TMEM273: variants seen among roughly 807,000 people sequenced by gnomAD.
TMEM273 encodes the protein chromosome 10 open reading frame 128.
In TMEM273, 19 loss-of-function variants were observed where a neutral mutation model predicts 17.9. The ratio of observed to expected loss-of-function variants is 1.06; its 90% CI spans 0.74 to 1.55. The LOEUF (loss-of-function observed/expected upper bound fraction) is 1.55, where lower values mean the gene tolerates loss of function less well. Among genes scored for constraint, TMEM273 ranks in the 40% most tolerant of loss-of-function variants. TMEM273 has a pLI of 0.00. For synonymous variants in TMEM273, 66 were observed against 62.0 expected, an observed-to-expected ratio of 1.07 and a Z score of -0.31; for missense variants, 194 against 155.6, an observed-to-expected ratio of 1.25 and a Z score of -1.31.
intron 5 of TMEM273, among the ~76,000 whole-genome samples, chr10:49,162,959 T>C (rs1029089470): frequency 6.6e-6 from 1 of 152,224 alleles, no homozygotes; most frequent in Non-Finnish European, 1.5e-5. Flanking sequence ...TGGTGGGAGA[T>C]GCTGACTCAG....
chr10:49,162,790 TCCTCACCACAGATGCTACC>T (rs1845928090), intron 5 of TMEM273, among the ~76,000 whole-genome samples: 1 of 152,076 alleles, frequency 6.6e-6, no homozygotes, highest in Non-Finnish European at 1.5e-5. Flanking sequence ...CCTCCTGCAC[TCCTCACCACAGATGCTACC>T]GCTACCTGGA....
chr10:49,167,593 G>T (rs1846277127), intron 2 of TMEM273, among the ~76,000 whole-genome samples: 1 of 152,236 alleles, frequency 6.6e-6, no homozygotes. Flanking sequence ...GTGGAGGGAG[G>T]CACCGATGAG....
intron 1 of TMEM273, among the ~76,000 whole-genome samples, chr10:49,172,922 C>A (rs78078815): frequency 2.6e-5 from 4 of 152,240 alleles, no homozygotes; most frequent in Non-Finnish European, 4.4e-5. Context: ...ATGTGTGAAC[C>A]CTGCCTGACC....
rs1564613721 is a variant in TMEM273, at chr10:49,154,903, T to A, written c.*989A>T. Reference sequence around the variant, plus strand: ...GGCAAATCATGACAACACAGCACTTTGTTCTGAAATATAGCTCATCTTTCA... The same window carrying A: ...GGCAAATCATGACAACACAGCACTTAGTTCTGAAATATAGCTCATCTTTCA... On this transcript the variant is annotated 3_prime_UTR_variant, in exon 7 of 7. Transcript: ENST00000374153. 6.6e-6 allele frequency: 1 copy of A among 152,246 alleles called. No homozygotes were observed. Among genetic ancestry groups the A allele is most frequent in the South Asian group, 2.1e-4 (1 of 4,834 alleles). The allele number at this position is 152,246 out of a possible 1,614,324, so 9.4% of individuals were successfully genotyped here.
At chr10:49,156,298 C>A (rs753164481) in intron 6 of TMEM273, 91 of 1,311,770 alleles carry the variant, frequency 6.9e-5, no homozygotes, top group Non-Finnish European at 9.1e-5. Context: ...GAGAATAGAA[C>A]TGGAAAATAA....
At chr10:49,175,665 C>G (rs1051147360) in intron 1 of TMEM273, among the ~76,000 whole-genome samples, 1 of 152,254 alleles carries the variant, frequency 6.6e-6, no homozygotes, top group Non-Finnish European at 1.5e-5. Flanking sequence ...AGGCGGAGAG[C>G]TGGCCTGGGC....
intron 1 of TMEM273, among the ~76,000 whole-genome samples, chr10:49,180,370 G>A (rs1323403724): frequency 6.6e-6 from 1 of 152,062 alleles, no homozygotes; most frequent in Non-Finnish European, 1.5e-5. Flanking sequence ...TACTGAGCAG[G>A]TTCTAGAGCT....
rs1344659552 is a variant in TMEM273, at chr10:49,166,924, C to T, written c.183G>A (p.Arg61=). ...CGGAAGAGTCGTCGTCAAATAAGTG[C>T]CTCCTGATCATGCAGATCTTCAGGG... ...FLALKICMIR[R]HLFDDDSSDL... Residue 61 remains arginine, a synonymous_variant, in exon 3 of 7, where the codon AGG becomes AGA. Coordinates refer to ENST00000374153, the MANE Select transcript of TMEM273 (RefSeq NM_001288740.3). 1.2e-6 allele frequency: 2 copies of T among 1,614,126 alleles called. No individual in the cohort carries two copies. Among genetic ancestry groups the T allele is most frequent in the Middle Eastern group, 1.6e-4 (1 of 6,062 alleles).
At chr10:49,166,505 T>G (rs922465379) in intron 3 of TMEM273, 4 of 290,600 alleles carry the variant, frequency 1.4e-5, no homozygotes, top group African/African-American at 8.7e-5. Context: ...GAACAGAAAT[T>G]TCTGTGTGAA....
At chr10:49,157,051 C>G (rs1259868091) in intron 6 of TMEM273, among the ~76,000 whole-genome samples, 1 of 152,084 alleles carries the variant, frequency 6.6e-6, no homozygotes, top group Non-Finnish European at 1.5e-5. Flanking sequence ...TTTAACAAGC[C>G]CTGAATTAAA....
chr10:49,163,306 TGA>T (rs3080161), intron 5 of TMEM273, among the ~76,000 whole-genome samples: 20 of 147,642 alleles, frequency 1.4e-4, no homozygotes, highest in Admixed American at 2.0e-4. Context: ...TGTGTGTGTG[TGA>T]GAGAGAGAGA....
rs199583022 is a variant in TMEM273 at position 49,167,001 on chromosome 10, A to G, written c.106T>C (p.Tyr36His). Residue 36 changes from tyrosine (Y) to histidine (H), a missense_variant, in exon 3 of 7, where the codon TAC becomes CAC. Tyr to His is a moderately conservative substitution (Grantham distance 83). Transcript: ENST00000374153. Reference protein sequence around the residue: ...KTPGAEIDFKYALIGTAVGVA... With the variant: ...KTPGAEIDFKHALIGTAVGVA... ...CCCACAGCAGTCCCGATGAGGGCGTACTTGAAATCTGAAACGCAGGGAGGA... is the reference window on the plus strand; with the variant it reads ...CCCACAGCAGTCCCGATGAGGGCGTGCTTGAAATCTGAAACGCAGGGAGGA... The G allele has an allele frequency of 5.2e-4, 836 of 1,613,942 alleles. 7 individuals carry two copies. The South Asian group carries it at 6.3e-3, about 12-fold the overall frequency.
intron 1 of TMEM273, among the ~76,000 whole-genome samples, chr10:49,171,886 C>T (rs1241993209): frequency 6.8e-6 from 1 of 146,530 alleles, no homozygotes. Context: ...TTTGAGCTGT[C>T]CACCTGTTGG....
chr10:49,161,486 G>T, intron 6 of TMEM273, 113 bp downstream of exon 6: 1 of 1,365,814 alleles, frequency 7.3e-7, no homozygotes, highest in Non-Finnish European at 1.0e-6. Context: ...TGCCATGGTT[G>T]CCCGTCCCAC....
intron 1 of TMEM273, among the ~76,000 whole-genome samples, chr10:49,169,875 G>A (rs996143849): frequency 4.6e-5 from 7 of 152,204 alleles, no homozygotes; most frequent in African/African-American, 1.4e-4. Context: ...TTCCTGGGAC[G>A]GGACCCTTTG....
At chr10:49,164,838 G>A (rs1846065927) in intron 5 of TMEM273, among the ~76,000 whole-genome samples, 1 of 151,448 alleles carries the variant, frequency 6.6e-6, no homozygotes, top group Admixed American at 6.6e-5. Flanking sequence ...GACCTCCCGG[G>A]ACCCCCACCC....
At chr10:49,184,347 G>A (rs578193376) in intron 1 of TMEM273, among the ~76,000 whole-genome samples, 2 of 152,214 alleles carry the variant, frequency 1.3e-5, no homozygotes, top group South Asian at 2.1e-4. Flanking sequence ...TCACAACAAA[G>A]GAAGCCACAA....
At chr10:49,161,737 G>C (rs1190029743) in intron 5 of TMEM273, 115 bp from the exon 6 acceptor site, 3 of 1,319,492 alleles carry the variant, frequency 2.3e-6, no homozygotes, top group Non-Finnish European at 3.3e-6. Context: ...TTTTGGGTCT[G>C]ACTTCCTCAT....
chr10:49,167,053 C>A (rs1846241102), intron 2 of TMEM273, 44 bp from the exon 3 acceptor site: 5 of 1,605,274 alleles, frequency 3.1e-6, no homozygotes, highest in East Asian at 2.2e-5. Flanking sequence ...CAGTCACCTG[C>A]AGCTCCCTCT....
Sources: allele counts gnomAD v4.1 joint callset (sites outside exome capture counted in the v4.1 genomes callset), GRCh38; gene constraint gnomAD v4.1.1; transcripts MANE v1.5; gene names NCBI Gene and HGNC (gene_info 2026-07-23, HGNC 2026-07-21).